The following ZNF385D variants were observed in gnomAD, a reference collection of about 807,000 sequenced individuals.
ZNF385D encodes zinc finger protein 385D.
Under a neutral mutation model 35.8 loss-of-function variants are expected in ZNF385D, and 15 were observed. The ratio of observed to expected loss-of-function variants is 0.42; its 90% CI spans 0.28 to 0.64. The LOEUF is 0.64. ZNF385D is among the 30% of genes least tolerant of loss of function. The pLI is 0.23. For synonymous variants in ZNF385D, 212 were observed against 186.8 expected (o/e 1.13, Z -1.10); for missense variants, 474 against 494.6 (o/e 0.96, Z 0.39).
chr3:21,467,430 G>T (rs761287454), intron 4 of ZNF385D, among the ~76,000 whole-genome samples: 6 of 152,178 alleles, frequency 3.9e-5, no homozygotes, highest in Non-Finnish European at 8.8e-5. Flanking sequence ...GATGCATGCA[G>T]ATTTTATAGT....
At chr3:21,714,958 G>A (rs1287623196) in intron 1 of ZNF385D, among the ~76,000 whole-genome samples, 1 of 152,080 alleles carries the variant, frequency 6.6e-6, no homozygotes, top group African/African-American at 2.4e-5. Flanking sequence ...CGATGCCCTT[G>A]GCAAGAACAG....
At chr3:22,249,989 T>C (rs919442542) in intron 2 of ZNF385D, among the ~76,000 whole-genome samples, 2 of 152,142 alleles carry the variant, frequency 1.3e-5, no homozygotes, top group Non-Finnish European at 2.9e-5. Context: ...AAAGCAACTA[T>C]ACAATGTGGA....
chr3:22,085,055 C>G (rs1261519546), intron 3 of ZNF385D, among the ~76,000 whole-genome samples: 1 of 152,184 alleles, frequency 6.6e-6, no homozygotes, highest in Non-Finnish European at 1.5e-5. Flanking sequence ...ATATCAGAAT[C>G]TCTGCGACAC....
At chr3:22,135,345 C>T (rs1312773770) in intron 3 of ZNF385D, among the ~76,000 whole-genome samples, 1 of 148,458 alleles carries the variant, frequency 6.7e-6, no homozygotes, top group African/African-American at 2.6e-5. Context: ...CCCCAACATA[C>T]ACACATAACT....
intron 3 of ZNF385D, among the ~76,000 whole-genome samples, chr3:21,959,772 C>T (rs904543679): frequency 2.0e-5 from 3 of 152,006 alleles, no homozygotes; most frequent in South Asian, 2.1e-4. Flanking sequence ...CCCCTCACTC[C>T]AAGGCAAAAT....
At chr3:22,367,898 A>T (rs1696728280) in intron 2 of ZNF385D, among the ~76,000 whole-genome samples, 1 of 152,222 alleles carries the variant, frequency 6.6e-6, no homozygotes, top group African/African-American at 2.4e-5. Flanking sequence ...ACTTCCTAAC[A>T]CTGTGGCATA....
intron 3 of ZNF385D, among the ~76,000 whole-genome samples, chr3:22,004,485 TA>T (rs1696070744): frequency 1.3e-5 from 2 of 151,872 alleles, no homozygotes; most frequent in Admixed American, 6.6e-5. Flanking sequence ...ATCAACGGAG[TA>T]AAGAGACAAC....
intron 3 of ZNF385D, among the ~76,000 whole-genome samples, chr3:21,784,219 T>C (rs761927320): frequency 2.6e-5 from 4 of 152,334 alleles, no homozygotes; most frequent in East Asian, 3.9e-4. Flanking sequence ...TCAAAATCCA[T>C]GTTTAAAGCA....
intron 2 of ZNF385D, among the ~76,000 whole-genome samples, chr3:22,179,442 C>T (rs929574233): frequency 1.3e-5 from 2 of 152,236 alleles, no homozygotes; most frequent in Non-Finnish European, 2.9e-5. Flanking sequence ...ATTTTGTATC[C>T]TGAGACTTTG....
At chr3:22,114,857 A>G (rs936074927) in intron 3 of ZNF385D, among the ~76,000 whole-genome samples, 1 of 152,000 alleles carries the variant, frequency 6.6e-6, no homozygotes, top group African/African-American at 2.4e-5. Context: ...TGGGATTAAG[A>G]CATTCATAAA....
intron 1 of ZNF385D, among the ~76,000 whole-genome samples, chr3:21,736,285 A>T (rs1274411979): frequency 6.6e-6 from 1 of 152,208 alleles, no homozygotes; most frequent in Admixed American, 6.5e-5. Flanking sequence ...TAAAGGTGAC[A>T]TCTTCCTTTT....
intron 2 of ZNF385D, among the ~76,000 whole-genome samples, chr3:22,287,236 C>G (rs995561423): frequency 5.9e-5 from 9 of 151,932 alleles, no homozygotes; most frequent in African/African-American, 1.4e-4. Context: ...TTTTTTCACC[C>G]ATTAACTTTT....
At chr3:22,135,120 C>A (rs1262753948) in intron 3 of ZNF385D, among the ~76,000 whole-genome samples, 2 of 152,118 alleles carry the variant, frequency 1.3e-5, no homozygotes, top group Non-Finnish European at 2.9e-5. Flanking sequence ...TATTCAACAG[C>A]ATACTGCAAA....
At chr3:21,498,442 A>G (rs1044012974) in intron 4 of ZNF385D, among the ~76,000 whole-genome samples, 2 of 152,210 alleles carry the variant, frequency 1.3e-5, no homozygotes, top group South Asian at 4.1e-4. Context: ...GAATGGAAGA[A>G]TATATTTGCA....
intron 3 of ZNF385D, among the ~76,000 whole-genome samples, chr3:21,983,167 A>ATTT (rs370511511): frequency 2.1e-4 from 22 of 106,126 alleles, no homozygotes; most frequent in African/African-American, 6.7e-4. Context: ...TTATTTTATT[A>ATTT]TTTTTTTTTA....
intron 2 of ZNF385D, among the ~76,000 whole-genome samples, chr3:21,599,830 A>G (rs776616903): frequency 2.0e-5 from 3 of 152,240 alleles, no homozygotes; most frequent in Non-Finnish European, 4.4e-5. Context: ...CATGTGAACC[A>G]GAGCAAGTCC....
chr3:22,114,230 TAAG>T (rs1382205745), intron 3 of ZNF385D, among the ~76,000 whole-genome samples: 4 of 152,050 alleles, frequency 2.6e-5, no homozygotes, highest in Non-Finnish European at 5.9e-5. Flanking sequence ...ACATTATGGA[TAAG>T]GATTTACATA....
At chr3:21,485,155 T>G (rs2125389925) in intron 4 of ZNF385D, among the ~76,000 whole-genome samples, 1 of 152,298 alleles carries the variant, frequency 6.6e-6, no homozygotes, top group Admixed American at 6.5e-5. Context: ...ATGTCCTAAG[T>G]TTAAACTGAA....
intron 4 of ZNF385D, among the ~76,000 whole-genome samples, chr3:21,471,251 CCTTTCTCTCTCTCTCTCTCT>C (rs748276361): frequency 0.013 from 1,454 of 112,568 alleles, 12 homozygotes; most frequent in Middle Eastern, 0.036. Flanking sequence ...TCCCTCCCTC[CCTTTCTCTCTCTCTCTCTCT>C]CTTTCTCTCT....
Sources: gnomAD v4.1 joint callset for allele counts (sites outside exome capture counted in the v4.1 genomes callset) on GRCh38, gnomAD v4.1.1 for gene constraint, MANE v1.5 for transcripts, NCBI Gene and HGNC (gene_info 2026-07-23, HGNC 2026-07-21) for gene names.